Variants in FRMD6 observed in about 807,000 individuals in gnomAD.
FRMD6 encodes FERM domain-containing protein 6.
In FRMD6, 37 loss-of-function variants were observed where a neutral mutation model predicts 73.2. That is an observed-to-expected ratio of 0.51 (90% CI 0.39 to 0.66). The LOEUF (loss-of-function observed/expected upper bound fraction) is 0.66. Among genes scored for constraint, FRMD6 ranks in the 30% least tolerant of loss-of-function variants. The pLI is 0.00. For synonymous variants in FRMD6, 273 were observed against 282.2 expected (o/e 0.97, Z 0.33); for missense variants, 714 against 780.5 (o/e 0.91, Z 1.02).
the FRMD6 span, among the ~76,000 whole-genome samples, chr14:51,405,084 T>G: frequency 2.6e-5 from 4 of 152,202 alleles, no homozygotes; most frequent in Non-Finnish European, 4.4e-5. Flanking sequence ...GCTTCATCCA[T>G]GTTTCCGCAA....
chr14:51,479,703 G>A, the FRMD6 span, among the ~76,000 whole-genome samples: 1 of 152,234 alleles, frequency 6.6e-6, no homozygotes, highest in African/African-American at 2.4e-5. Context: ...AGAAAGAAGT[G>A]AAAGCTGGCT....
chr14:51,680,438 T>C (rs1171484668), intron 1 of FRMD6, among the ~76,000 whole-genome samples: 1 of 152,212 alleles, frequency 6.6e-6, no homozygotes, highest in African/African-American at 2.4e-5. Context: ...TTCCTATTGT[T>C]TCTACGCTAT....
At chr14:51,600,446 A>G (rs1889976355) in intron 2 of FRMD6, among the ~76,000 whole-genome samples, 1 of 152,214 alleles carries the variant, frequency 6.6e-6, no homozygotes, top group South Asian at 2.1e-4. Flanking sequence ...TAGAATTACA[A>G]TTACCAAAGG....
chr14:51,525,460 G>A (rs1245374528), intron 1 of FRMD6, among the ~76,000 whole-genome samples: 1 of 151,844 alleles, frequency 6.6e-6, no homozygotes, highest in African/African-American at 2.4e-5. Context: ...GTAGAGATGG[G>A]GTTTCACCAT....
At chr14:51,413,384 C>G in the FRMD6 span, among the ~76,000 whole-genome samples, 1 of 152,122 alleles carries the variant, frequency 6.6e-6, no homozygotes, top group Admixed American at 6.5e-5. Flanking sequence ...TGTTCAGTTC[C>G]CACCTATGAG....
At chr14:51,619,103 T>G (rs759731399) in intron 2 of FRMD6, among the ~76,000 whole-genome samples, 4 of 151,942 alleles carry the variant, frequency 2.6e-5, no homozygotes, top group Non-Finnish European at 4.4e-5. Flanking sequence ...ATAACAGAAG[T>G]GTTTCATGAC....
intron 1 of FRMD6, among the ~76,000 whole-genome samples, chr14:51,664,854 CAGTTAGTTAG>C (rs1358848671): frequency 1.3e-5 from 2 of 152,172 alleles, no homozygotes; most frequent in East Asian, 3.9e-4. Flanking sequence ...AGTTACAGTA[CAGTTAGTTAG>C]AATGTAATTG....
intron 2 of FRMD6, among the ~76,000 whole-genome samples, chr14:51,575,205 G>C (rs2139618075): frequency 6.6e-6 from 1 of 152,264 alleles, no homozygotes; most frequent in Admixed American, 6.5e-5. Flanking sequence ...GATTCAATTT[G>C]TTATTTAATT....
the FRMD6 span, among the ~76,000 whole-genome samples, chr14:51,402,517 A>G: frequency 6.6e-6 from 1 of 152,184 alleles, no homozygotes; most frequent in African/African-American, 2.4e-5. Flanking sequence ...CACGTAAGAT[A>G]TGACTTGCTC....
the FRMD6 span, among the ~76,000 whole-genome samples, chr14:51,401,794 T>A: frequency 9.6e-4 from 146 of 152,320 alleles, no homozygotes; most frequent in African/African-American, 3.4e-3. Context: ...ACCCATGTAT[T>A]TGGGAAGAAC....
chr14:51,401,244 C>T, the FRMD6 span, among the ~76,000 whole-genome samples: 5 of 152,170 alleles, frequency 3.3e-5, no homozygotes, highest in Admixed American at 6.5e-5. Context: ...CAGAAAAACA[C>T]CTTCCTTTTG....
chr14:51,423,253 A>C, the FRMD6 span, among the ~76,000 whole-genome samples: 1 of 152,088 alleles, frequency 6.6e-6, no homozygotes, highest in African/African-American at 2.4e-5. Context: ...CCCACATCTC[A>C]CAAGTCTCCA....
intron 2 of FRMD6, among the ~76,000 whole-genome samples, chr14:51,600,163 C>T (rs1220928568): frequency 6.6e-6 from 1 of 152,080 alleles, no homozygotes; most frequent in Admixed American, 6.6e-5. Flanking sequence ...GATAGTTTGA[C>T]TTGTTTACCT....
chr14:51,648,156 A>C (rs528322957), upstream of FRMD6, among the ~76,000 whole-genome samples: 7 of 152,196 alleles, frequency 4.6e-5, no homozygotes, highest in Non-Finnish European at 8.8e-5. Flanking sequence ...AGATAAAAAT[A>C]ATTTTTTTTC....
At chr14:51,421,591 C>G in the FRMD6 span, among the ~76,000 whole-genome samples, 1 of 152,118 alleles carries the variant, frequency 6.6e-6, no homozygotes, top group Non-Finnish European at 1.5e-5. Context: ...AATTGTATAG[C>G]AAAAGAACCG....
Position 51,496,175 on chromosome 14 carries a change from C to T in FRMD6, c.-210+6755C>T, listed in dbSNP as rs77047415. 5.5e-3 allele frequency among the ~76,000 whole-genome samples: 845 copies of T among 152,298 alleles called. 10 individuals are homozygous for T. Among genetic ancestry groups the T allele is most frequent in the African/African-American group, 0.019 (801 of 41,572 alleles). On this transcript the variant is annotated intron_variant, in intron 1 of 14. Transcript: ENST00000356218. ...GTGGAGAGGCCCACGTCATGAAGAG[C>T]ATGGTGGTGACAGTGTTCCAACTGC...
chr14:51,549,683 C>T (rs1259700217), intron 1 of FRMD6, among the ~76,000 whole-genome samples: 1 of 140,768 alleles, frequency 7.1e-6, no homozygotes, highest in African/African-American at 2.6e-5. Flanking sequence ...GCAGGCTCCG[C>T]CCCCCAGGTT....
chr14:51,692,532 C>T (rs1417961455), intron 2 of FRMD6, among the ~76,000 whole-genome samples: 1 of 151,954 alleles, frequency 6.6e-6, no homozygotes, highest in African/African-American at 2.4e-5. Context: ...CACCTTACCA[C>T]ATTTAAGTGA....
chr14:51,590,326 T>C (rs1418304339), intron 2 of FRMD6, among the ~76,000 whole-genome samples: 1 of 152,150 alleles, frequency 6.6e-6, no homozygotes, highest in East Asian at 1.9e-4. Flanking sequence ...GCCTCTTCGA[T>C]TTTTTTGGTT....
Sources: gnomAD v4.1 joint callset for allele counts (sites outside exome capture counted in the v4.1 genomes callset) on GRCh38, gnomAD v4.1.1 for gene constraint, MANE v1.5 for transcripts, NCBI Gene and HGNC (gene_info 2026-07-23, HGNC 2026-07-21) for gene names.